GTF2IRD1: variants seen among roughly 807,000 people sequenced by gnomAD.
GTF2IRD1 encodes general transcription factor II-I repeat domain-containing protein 1.
GTF2IRD1 carries 26 observed loss-of-function variants against 113.2 expected under a neutral mutation model. The ratio of observed to expected loss-of-function variants is 0.23; its 90% CI spans 0.17 to 0.32. The LOEUF (loss-of-function observed/expected upper bound fraction) is 0.32. Among genes scored for constraint, GTF2IRD1 ranks in the 10% least tolerant of loss-of-function variants. The pLI is 1.00. For synonymous variants in GTF2IRD1, 484 were observed against 529.1 expected (o/e 0.91, Z 1.17); for missense variants, 864 against 1,280.8 (o/e 0.67, Z 4.97).
chr7:74,544,435 C>G (rs1798809224), intron 14 of GTF2IRD1, among the ~76,000 whole-genome samples: 1 of 152,246 alleles, frequency 6.6e-6, no homozygotes, highest in African/African-American at 2.4e-5. Flanking sequence ...ATCCACCCAT[C>G]TCAGCCTCCC....
chr7:74,455,184 G>A (rs1355113898), intron 1 of GTF2IRD1, among the ~76,000 whole-genome samples: 1 of 152,232 alleles, frequency 6.6e-6, no homozygotes, highest in East Asian at 1.9e-4. Flanking sequence ...TGGGACATAG[G>A]GGTCTCGCTG....
chr7:74,504,147 T>A (rs146689138), intron 1 of GTF2IRD1, among the ~76,000 whole-genome samples: 2 of 152,338 alleles, frequency 1.3e-5, no homozygotes, highest in East Asian at 3.9e-4. Flanking sequence ...ATTTTCTTTA[T>A]CCATTCTACC....
intron 1 of GTF2IRD1, among the ~76,000 whole-genome samples, chr7:74,458,305 G>A (rs1158430094): frequency 1.3e-5 from 2 of 152,112 alleles, no homozygotes; most frequent in Non-Finnish European, 2.9e-5. Flanking sequence ...TGGTTTCTGG[G>A]GGAGAAGGAG....
chr7:74,481,089 G>C (rs1446846764), intron 1 of GTF2IRD1, among the ~76,000 whole-genome samples: 4 of 152,214 alleles, frequency 2.6e-5, no homozygotes, highest in Non-Finnish European at 5.9e-5. Context: ...CAACTTTCCT[G>C]TCATGGGGTG....
At chr7:74,526,362 G>A (rs915781118) in intron 8 of GTF2IRD1, among the ~76,000 whole-genome samples, 2 of 152,232 alleles carry the variant, frequency 1.3e-5, no homozygotes, top group African/African-American at 4.8e-5. Context: ...GACCCCACGG[G>A]TGGTGGGGAC....
At chr7:74,539,541 A>G (rs1402504989) in intron 13 of GTF2IRD1, among the ~76,000 whole-genome samples, 1 of 152,056 alleles carries the variant, frequency 6.6e-6, no homozygotes, top group Admixed American at 6.6e-5. Flanking sequence ...GTCAGGAGTT[A>G]GAGACCAGCC....
chr7:74,568,773 T>A lies in GTF2IRD1; in HGVS notation c.2320+9118T>A, dbSNP rs145194178. 1.3e-3 allele frequency among the ~76,000 whole-genome samples: 200 copies of A among 152,016 alleles called. 1 individual carries two copies. The highest frequency in any genetic ancestry group is 0.01 in the Middle Eastern group (3 of 294). ...GGGAGGGACAGGGGAGGGTGATGAG[T>A]CAGTGGACTAAATGTCCCCATGGGG... On this transcript the variant is annotated intron_variant, in intron 22 of 26. Coordinates refer to ENST00000424337, the MANE Select transcript of GTF2IRD1 (RefSeq NM_005685.4).
At chr7:74,530,233 G>A (rs587662512) in intron 9 of GTF2IRD1, among the ~76,000 whole-genome samples, 5 of 152,192 alleles carry the variant, frequency 3.3e-5, no homozygotes, top group East Asian at 1.9e-4. Context: ...GCGGGTGGGC[G>A]TAGGGGTCTG....
chr7:74,556,868 C>G (rs1554357116), intron 19 of GTF2IRD1, among the ~76,000 whole-genome samples: 1 of 151,820 alleles, frequency 6.6e-6, no homozygotes, highest in African/African-American at 2.4e-5. Context: ...AGGTGATCCT[C>G]CTGCCTCAGC....
intron 1 of GTF2IRD1, among the ~76,000 whole-genome samples, chr7:74,502,942 G>A (rs1188589020): frequency 3.3e-5 from 5 of 152,048 alleles, no homozygotes; most frequent in East Asian, 1.9e-4. Context: ...CGAGGCGGGC[G>A]GATCACCTGA....
chr7:74,570,137 A>G (rs1800606866), intron 22 of GTF2IRD1, among the ~76,000 whole-genome samples: 1 of 151,880 alleles, frequency 6.6e-6, no homozygotes, highest in Non-Finnish European at 1.5e-5. Context: ...TGAGGCGGGT[A>G]GATCACCTGA....
intron 25 of GTF2IRD1, 81 bp from the exon 26 acceptor site, chr7:74,600,963 A>G: frequency 2.0e-6 from 3 of 1,491,046 alleles, no homozygotes; most frequent in South Asian, 2.3e-5. Context: ...CTTAAGACAG[A>G]GCACTTTTCC....
At chr7:74,578,859 A>T (rs1398096058) in intron 22 of GTF2IRD1, among the ~76,000 whole-genome samples, 2 of 151,916 alleles carry the variant, frequency 1.3e-5, no homozygotes, top group Non-Finnish European at 2.9e-5. Flanking sequence ...TTAGCCAGGC[A>T]TGGTGGCATG....
intron 1 of GTF2IRD1, among the ~76,000 whole-genome samples, chr7:74,457,872 T>C (rs1159207226): frequency 6.8e-6 from 1 of 147,510 alleles, no homozygotes; most frequent in Admixed American, 6.8e-5. Context: ...CTGAGTTACG[T>C]TTTTGTTTTT....
intron 22 of GTF2IRD1, among the ~76,000 whole-genome samples, chr7:74,563,688 C>A (rs587742190): frequency 2.0e-5 from 3 of 152,152 alleles, no homozygotes; most frequent in Admixed American, 2.0e-4. Context: ...GAGTTTGAGG[C>A]CAGCCTGGGC....
intron 22 of GTF2IRD1, among the ~76,000 whole-genome samples, chr7:74,582,896 A>G (rs1441739778): frequency 6.6e-6 from 1 of 152,140 alleles, no homozygotes; most frequent in African/African-American, 2.4e-5. Context: ...AAAAGATGGA[A>G]AAATTAGCTG....
intron 1 of GTF2IRD1, among the ~76,000 whole-genome samples, chr7:74,500,201 CCTT>C (rs1795948279): frequency 6.6e-6 from 1 of 152,128 alleles, no homozygotes; most frequent in Non-Finnish European, 1.5e-5. Context: ...CCACAAATGA[CCTT>C]GAGCAGCACG....
At chr7:74,602,262 T>A in intron 26 of GTF2IRD1, 103 bp from the exon 27 acceptor site, 1 of 1,411,260 alleles carries the variant, frequency 7.1e-7, no homozygotes, top group Non-Finnish European at 9.5e-7. Flanking sequence ...AAAATATAAA[T>A]AAATAGCCTC....
At chr7:74,581,089 G>A (rs1265116466) in intron 22 of GTF2IRD1, among the ~76,000 whole-genome samples, 22 of 152,082 alleles carry the variant, frequency 1.4e-4, no homozygotes, top group African/African-American at 3.6e-4. Context: ...GCGCCATCTC[G>A]GCTCACTGCA....
Sources: gnomAD v4.1 joint callset for allele counts (sites outside exome capture counted in the v4.1 genomes callset) on GRCh38, gnomAD v4.1.1 for gene constraint, MANE v1.5 for transcripts, NCBI Gene and HGNC (gene_info 2026-07-23, HGNC 2026-07-21) for gene names.